Variants in KIAA1328 observed in about 807,000 individuals in gnomAD.
KIAA1328 encodes KIAA1328.
KIAA1328 carries 52 observed loss-of-function variants against 68.1 expected under a neutral mutation model. That is an observed-to-expected ratio of 0.76 (90% CI 0.61 to 0.96). The LOEUF (loss-of-function observed/expected upper bound fraction) is 0.96. Ranked by LOEUF, KIAA1328 falls within the 40% of genes least tolerant of loss-of-function variation. The pLI, the probability that KIAA1328 is intolerant of heterozygous loss-of-function variation, is 0.00. For missense variants in KIAA1328, 641 were observed against 677.6 expected (o/e 0.95, Z 0.60); for synonymous variants, 232 against 239.4 (o/e 0.97, Z 0.28).
At chr18:37,104,533 T>G (rs1430430184) in intron 7 of KIAA1328, among the ~76,000 whole-genome samples, 1 of 152,118 alleles carries the variant, frequency 6.6e-6, no homozygotes, top group Non-Finnish European at 1.5e-5. Flanking sequence ...GAGGAGTGAT[T>G]GATGAATGGG....
intron 7 of KIAA1328, among the ~76,000 whole-genome samples, chr18:37,156,085 T>C (rs1405568886): frequency 6.6e-6 from 1 of 151,718 alleles, no homozygotes; most frequent in Non-Finnish European, 1.5e-5. Context: ...CACGTCTGTC[T>C]CCCCCACTAA....
rs188371017 is a variant in KIAA1328 at position 37,120,308 on chromosome 18, T to C, written c.1233-39892T>C. On this transcript the variant is annotated intron_variant, in intron 7 of 9. Coordinates refer to ENST00000280020, the MANE Select transcript of KIAA1328 (RefSeq NM_020776.3). The stretch of plus-strand genomic sequence containing the variant: ...TTAGTTATGCTGACTCCCAGTGACA[T>C]TTACTAATGCCCTGCATGAGAACAG... 5.9e-5 allele frequency among the ~76,000 whole-genome samples: 9 copies of C among 152,206 alleles called. No individual in the cohort carries two copies. The East Asian group carries it at 1.5e-3, about 26-fold the overall frequency.
intron 7 of KIAA1328, among the ~76,000 whole-genome samples, chr18:37,133,119 G>A (rs1189869658): frequency 6.6e-6 from 1 of 152,104 alleles, no homozygotes; most frequent in Non-Finnish European, 1.5e-5. Context: ...TGGATCATGA[G>A]GTCAGGAGTT....
intron 6 of KIAA1328, among the ~76,000 whole-genome samples, chr18:36,983,827 C>T (rs1230342646): frequency 1.3e-5 from 2 of 152,132 alleles, no homozygotes; most frequent in African/African-American, 4.8e-5. Context: ...TGATATCCCT[C>T]ATGAATCTAC....
At chr18:36,882,210 A>G (rs1009185354) in intron 4 of KIAA1328, among the ~76,000 whole-genome samples, 1 of 152,226 alleles carries the variant, frequency 6.6e-6, no homozygotes, top group South Asian at 2.1e-4. Context: ...AACAGAAACC[A>G]TAGAAAGTGA....
intron 7 of KIAA1328, among the ~76,000 whole-genome samples, chr18:37,127,253 A>G (rs150655861): frequency 0.01 from 1,566 of 152,338 alleles, 17 homozygotes; most frequent in Non-Finnish European, 0.015. Flanking sequence ...TACAAAAATG[A>G]ATTTTATCTC....
At chr18:36,939,747 G>A (rs2050635668) in intron 5 of KIAA1328, among the ~76,000 whole-genome samples, 1 of 151,958 alleles carries the variant, frequency 6.6e-6, no homozygotes, top group South Asian at 2.1e-4. Flanking sequence ...GACCTTTATT[G>A]TGTTGAGGTA....
chr18:37,099,054 G>GT (rs929067088), intron 7 of KIAA1328, among the ~76,000 whole-genome samples: 99 of 152,054 alleles, frequency 6.5e-4, no homozygotes, highest in Admixed American at 1.9e-3. Flanking sequence ...TTTTTGAAGG[G>GT]TTTTTTGTGT....
At chr18:37,176,187 GAAT>G (rs2059593837) in intron 9 of KIAA1328, among the ~76,000 whole-genome samples, 1 of 152,296 alleles carries the variant, frequency 6.6e-6, no homozygotes, top group East Asian at 1.9e-4. Flanking sequence ...CCCCAAATAT[GAAT>G]AATGTATTGT....
intron 7 of KIAA1328, among the ~76,000 whole-genome samples, chr18:37,074,346 G>C (rs1347919794): frequency 1.3e-5 from 2 of 152,146 alleles, no homozygotes; most frequent in African/African-American, 4.8e-5. Context: ...TCTTATGTTT[G>C]TTTCAAGTAT....
intron 5 of KIAA1328, among the ~76,000 whole-genome samples, chr18:36,904,670 A>G (rs1418710420): frequency 2.0e-5 from 3 of 152,046 alleles, no homozygotes; most frequent in East Asian, 1.9e-4. Flanking sequence ...TTTTATTCCA[A>G]TCTGACATCT....
chr18:36,881,873 G>A (rs1462318277), intron 4 of KIAA1328, among the ~76,000 whole-genome samples: 1 of 152,172 alleles, frequency 6.6e-6, no homozygotes, highest in African/African-American at 2.4e-5. Flanking sequence ...ATGTCAGGTT[G>A]TTGTACTTTT....
intron 8 of KIAA1328, among the ~76,000 whole-genome samples, chr18:37,160,664 A>G (rs1430103043): frequency 6.6e-6 from 1 of 152,204 alleles, no homozygotes; most frequent in Non-Finnish European, 1.5e-5. Flanking sequence ...AGACTAAAAT[A>G]ATGTTCCAAG....
intron 9 of KIAA1328, among the ~76,000 whole-genome samples, chr18:37,214,691 T>G (rs1321316286): frequency 6.6e-6 from 1 of 152,198 alleles, no homozygotes; most frequent in Non-Finnish European, 1.5e-5. Flanking sequence ...GTGAAGAAAG[T>G]CATTGGTAGC....
intron 6 of KIAA1328, among the ~76,000 whole-genome samples, chr18:37,003,379 A>G (rs1287376188): frequency 1.3e-5 from 2 of 152,140 alleles, no homozygotes. Context: ...CTAAAGAAGT[A>G]ATCAACAGAG....
chr18:37,141,156 A>G (rs998645375), intron 7 of KIAA1328, among the ~76,000 whole-genome samples: 11 of 152,202 alleles, frequency 7.2e-5, no homozygotes, highest in Non-Finnish European at 1.3e-4. Flanking sequence ...TGTTTTAACA[A>G]AGGAATATAC....
intron 9 of KIAA1328, among the ~76,000 whole-genome samples, chr18:37,205,114 A>G (rs772134827): frequency 2.6e-5 from 4 of 152,228 alleles, no homozygotes; most frequent in Non-Finnish European, 5.9e-5. Context: ...ATCCAGAAAC[A>G]GTCCCAAAGA....
rs75466949 is a variant in KIAA1328 at position 37,224,836 on chromosome 18, C to G, written c.*2609C>G. 435 of 985,502 alleles carry G rather than the reference C, an allele frequency of 4.4e-4. 3 individuals carry two copies. The African/African-American group carries it at 7.2e-3, about 16-fold the overall frequency. The allele number at this position is 985,502 out of a possible 1,614,324, so 61.0% of individuals were successfully genotyped here. On this transcript the variant is annotated 3_prime_UTR_variant, in exon 10 of 10. Transcript: ENST00000280020. ...CACCATTGCCCACCCTGCTGCCCAA[C>G]TCCTGTGAGAGAAAAACCAATCAAT...
downstream of KIAA1328, among the ~76,000 whole-genome samples, chr18:37,228,522 A>C (rs2154228258): frequency 6.6e-6 from 1 of 152,328 alleles, no homozygotes; most frequent in South Asian, 2.1e-4. Context: ...GTGAGCAAAA[A>C]AAGATTACAA....
Sources: gnomAD v4.1 joint callset for allele counts (sites outside exome capture counted in the v4.1 genomes callset) on GRCh38, gnomAD v4.1.1 for gene constraint, MANE v1.5 for transcripts, NCBI Gene and HGNC (gene_info 2026-07-23, HGNC 2026-07-21) for gene names.